Variants in UBAP2 observed in about 807,000 individuals in gnomAD.
UBAP2 encodes the protein ubiquitin-associated protein 2.
Under a neutral mutation model 139.6 loss-of-function variants are expected in UBAP2, and 75 were observed. That is an observed-to-expected ratio of 0.54 (90% CI 0.45 to 0.65). UBAP2 has a LOEUF of 0.65. Among genes scored for constraint, UBAP2 ranks in the 30% least tolerant of loss-of-function variants. The pLI is 0.00. For missense variants in UBAP2, 1,368 were observed against 1,369.6 expected (o/e 1.00, Z 0.02); for synonymous variants, 526 against 526.2 (o/e 1.00, Z 0.01).
chr9:33,970,017 C>A (rs1438134460), intron 8 of UBAP2, among the ~76,000 whole-genome samples: 5 of 129,752 alleles, frequency 3.9e-5, no homozygotes, highest in African/African-American at 1.4e-4. Context: ...GCAACCTATG[C>A]TTCCTAGGTT....
intron 2 of UBAP2, among the ~76,000 whole-genome samples, chr9:34,007,663 G>A (rs1823350830): frequency 7.0e-6 from 1 of 142,866 alleles, no homozygotes. Context: ...TTTTGAGACT[G>A]AGTCTCGCTC....
At chr9:34,006,327 G>A (rs926408429) in intron 2 of UBAP2, among the ~76,000 whole-genome samples, 1 of 151,240 alleles carries the variant, frequency 6.6e-6, no homozygotes, top group Admixed American at 6.6e-5. Context: ...ACACAGAAGA[G>A]AATGAAATTA....
At chr9:33,930,336 GA>G (rs1386540401) in intron 19 of UBAP2, among the ~76,000 whole-genome samples, 2 of 151,258 alleles carry the variant, frequency 1.3e-5, no homozygotes, top group African/African-American at 4.9e-5. Flanking sequence ...CTATACACAT[GA>G]AACAACATAT....
intron 12 of UBAP2, among the ~76,000 whole-genome samples, chr9:33,950,833 C>A (rs1826034675): frequency 6.6e-6 from 1 of 152,194 alleles, no homozygotes; most frequent in Non-Finnish European, 1.5e-5. Context: ...ACAGCATAGG[C>A]CTCTTAAGTC....
At chr9:33,944,684 A>G in intron 13 of UBAP2, 45 bp from the exon 14 acceptor site, 1 of 1,589,610 alleles carries the variant, frequency 6.3e-7, no homozygotes, top group Non-Finnish European at 8.6e-7. Context: ...TGGCTTCACA[A>G]TGTTCTTCAA....
intron 19 of UBAP2, 30 bp from the exon 20 acceptor site, chr9:33,928,022 T>C (rs1823621656): frequency 1.3e-6 from 2 of 1,588,710 alleles, no homozygotes; most frequent in African/African-American, 1.3e-5. Flanking sequence ...GACACATGGA[T>C]CTGGAGGCAG....
intron 10 of UBAP2, among the ~76,000 whole-genome samples, chr9:33,959,116 C>T (rs1826814914): frequency 1.3e-5 from 2 of 151,838 alleles, no homozygotes; most frequent in South Asian, 4.2e-4. Flanking sequence ...CCTCTGCACT[C>T]CAGCCTGGTG....
At chr9:33,924,441 G>A (rs1051566196) in intron 22 of UBAP2, among the ~76,000 whole-genome samples, 157 bp from the exon 23 acceptor site, 5 of 152,160 alleles carry the variant, frequency 3.3e-5, no homozygotes, top group Non-Finnish European at 5.9e-5. Flanking sequence ...GGTGCCCCTC[G>A]GAAGAGTGTG....
intron 4 of UBAP2, chr9:33,994,700 T>C (rs1295504004): frequency 1.3e-5 from 2 of 152,140 alleles, no homozygotes; most frequent in African/African-American, 4.8e-5. Context: ...TGATGGTTTG[T>C]CTTGTGTACC....
chr9:33,997,223 C>G (rs1339701092), intron 3 of UBAP2: 2 of 152,148 alleles, frequency 1.3e-5, no homozygotes, highest in African/African-American at 4.8e-5. Context: ...TTCTCATTAG[C>G]AAGAGATACT....
At chr9:33,934,447 G>A (rs1824278330) in intron 17 of UBAP2, 1 of 155,718 alleles carries the variant, frequency 6.4e-6, no homozygotes, top group Non-Finnish European at 1.5e-5. Context: ...AGGAAGGGCA[G>A]GTCAAAAACA....
chr9:34,011,473 A>G (rs1299133504), intron 2 of UBAP2, among the ~76,000 whole-genome samples: 1 of 152,186 alleles, frequency 6.6e-6, no homozygotes, highest in Non-Finnish European at 1.5e-5. Flanking sequence ...GTGCTAGCAT[A>G]TTTATGAAAA....
intron 6 of UBAP2, among the ~76,000 whole-genome samples, chr9:33,980,071 A>G (rs948302824): frequency 6.6e-6 from 1 of 151,798 alleles, no homozygotes; most frequent in Non-Finnish European, 1.5e-5. Flanking sequence ...AGACAGACCC[A>G]GTTTCAACAA....
At chr9:33,968,965 T>C (rs1174834840) in intron 8 of UBAP2, among the ~76,000 whole-genome samples, 2 of 152,216 alleles carry the variant, frequency 1.3e-5, no homozygotes, top group African/African-American at 4.8e-5. Context: ...TGACTCTGCA[T>C]ACTATTTTCA....
intron 14 of UBAP2, 129 bp from the exon 15 acceptor site, chr9:33,943,718 G>C (rs1825426593): frequency 2.6e-6 from 2 of 780,476 alleles, no homozygotes; most frequent in Non-Finnish European, 4.0e-6. Flanking sequence ...GAGAAACAAG[G>C]AGAAAATAGG....
chr9:33,962,645 AAAATAAATAAATAAAT>A (rs57313855), intron 9 of UBAP2, among the ~76,000 whole-genome samples: 1,395 of 139,264 alleles, frequency 0.01, 27 homozygotes, highest in African/African-American at 0.036. Flanking sequence ...CTCTATCTCA[AAAATAAATAAATAAAT>A]AAATAAATAA....
Position 33,922,513 on chromosome 9 carries a change from C to A in UBAP2, c.3351G>T (p.Trp1117Cys), listed in dbSNP as rs1564012138. 4 of 1,613,808 alleles carry A rather than the reference C, an allele frequency of 2.5e-6. No homozygotes were observed. Among genetic ancestry groups the A allele is most frequent in the Middle Eastern group, 3.3e-4 (2 of 6,062 alleles). Reference protein sequence around the residue: ...SKPAYGNSPYWTN With the variant: ...SKPAYGNSPYCTN ...CCCCTCTCTTCTGGGTTTAGTTTGTCCAGTATGGAGAGTTGCCGTAGGCAG... is the reference window on the plus strand; with the variant it reads ...CCCCTCTCTTCTGGGTTTAGTTTGTACAGTATGGAGAGTTGCCGTAGGCAG... Residue 1117 changes from tryptophan to cysteine, a missense_variant, in exon 29 of 29, where the codon TGG (tryptophan) becomes TGT (cysteine). By Grantham distance (215) the Trp-to-Cys change is radical. Transcript: ENST00000379238.
intron 1 of UBAP2, among the ~76,000 whole-genome samples, chr9:34,042,835 T>C (rs933111285): frequency 6.6e-6 from 1 of 151,314 alleles, no homozygotes; most frequent in South Asian, 2.1e-4. Flanking sequence ...CTCAGCACTT[T>C]AGTAGGCCAA....
Position 33,926,652 on chromosome 9 carries a change from C to T in UBAP2, c.2476G>A (p.Asp826Asn), listed in dbSNP as rs370299605. 63 of 1,614,084 alleles carry T rather than the reference C, an allele frequency of 3.9e-5. No homozygotes were observed. The African/African-American group carries it at 7.9e-4, about 20-fold the overall frequency. Residue 826 changes from aspartate (D) to asparagine (N), a missense_variant, in exon 22 of 29, where the codon GAC becomes AAC. Coordinates refer to ENST00000379238, the MANE Select transcript of UBAP2 (RefSeq NM_001370062.2). Reference sequence around the variant, plus strand: ...CGTGACTGCAGCATCTGGAGCTCGTCATAGCCATAGATCTGTGTGAGAACC... The same window carrying T: ...CGTGACTGCAGCATCTGGAGCTCGTTATAGCCATAGATCTGTGTGAGAACC... ...LLPAYPIYGYDELQMLQSRLP... is the reference protein window; with the variant it reads ...LLPAYPIYGYNELQMLQSRLP...
Sources: allele counts gnomAD v4.1 joint callset (sites outside exome capture counted in the v4.1 genomes callset), GRCh38; gene constraint gnomAD v4.1.1; transcripts MANE v1.5; gene names NCBI Gene and HGNC (gene_info 2026-07-23, HGNC 2026-07-21).